The following CLEC4A variants were observed in gnomAD, a reference collection of about 807,000 sequenced individuals.
CLEC4A encodes C-type (calcium dependent, carbohydrate-recognition domain) lectin, superfamily member 6.
A neutral mutation model predicts 32.7 loss-of-function variants in CLEC4A; 27 were observed. The ratio of observed to expected loss-of-function variants is 0.83; its 90% CI spans 0.61 to 1.14. CLEC4A has a LOEUF of 1.14. Among genes scored for constraint, CLEC4A ranks in the 50% most tolerant of loss-of-function variants. CLEC4A has a pLI of 0.00. For synonymous variants in CLEC4A, 89 were observed against 93.7 expected, an observed-to-expected ratio of 0.95 and a Z score of 0.29; for missense variants, 253 against 274.6, an observed-to-expected ratio of 0.92 and a Z score of 0.55.
At chr12:8,126,491 A>G (rs1436166043) in intron 2 of CLEC4A, among the ~76,000 whole-genome samples, 2 of 149,888 alleles carry the variant, frequency 1.3e-5, no homozygotes, top group Non-Finnish European at 2.9e-5. Context: ...ACGTGCTGGG[A>G]TTACAGGCAT....
chr12:8,103,381 T>TTTTTTTTG, the CLEC4A span, among the ~76,000 whole-genome samples: 1 of 106,046 alleles, frequency 9.4e-6, no homozygotes, highest in South Asian at 3.5e-4. Flanking sequence ...CTGTTGTTTT[T>TTTTTTTTG]TTTTTTTTTT....
At chr12:8,108,326 T>C in the CLEC4A span, among the ~76,000 whole-genome samples, 1 of 152,248 alleles carries the variant, frequency 6.6e-6, no homozygotes, top group Admixed American at 6.5e-5. Context: ...AGGTACCATG[T>C]AGTAGAGTTG....
intron 2 of CLEC4A, among the ~76,000 whole-genome samples, chr12:8,128,428 T>C (rs1160656827): frequency 2.4e-5 from 3 of 125,650 alleles, no homozygotes; most frequent in Admixed American, 8.2e-5. Flanking sequence ...TTTTTTTTTT[T>C]GAGATGGAGT....
At chr12:8,123,445 G>A (rs1472461154), upstream of CLEC4A, among the ~76,000 whole-genome samples, 3 of 152,220 alleles carry the variant, frequency 2.0e-5, no homozygotes, top group Non-Finnish European at 4.4e-5. Context: ...ATAAGTCTAT[G>A]TTCAGGATGT....
At chr12:8,135,446 AG>A in intron 3 of CLEC4A, 138 bp from the exon 4 acceptor site, 1 of 756,834 alleles carries the variant, frequency 1.3e-6, no homozygotes, top group Non-Finnish European at 2.0e-6. Context: ...CCTGAGGGGC[AG>A]GGGCTCCTGG....
At chr12:8,133,908 G>A in intron 3 of CLEC4A, 1 of 1,600,492 alleles carries the variant, frequency 6.2e-7, no homozygotes, top group South Asian at 1.1e-5. Flanking sequence ...TGGGGCCCTG[G>A]GGCCAGAGGA....
chr12:8,122,311 A>G (rs146828420), upstream of CLEC4A, among the ~76,000 whole-genome samples: 36 of 152,064 alleles, frequency 2.4e-4, 1 homozygote, highest in East Asian at 6.8e-3. Context: ...CCTTGTGTGG[A>G]GCATTAGAAC....
chr12:8,125,768 C>T (rs985623952), intron 2 of CLEC4A, 91 bp downstream of exon 2: 3 of 730,896 alleles, frequency 4.1e-6, no homozygotes, highest in African/African-American at 3.5e-5. Context: ...TGAGCTTATC[C>T]AGAAATCTGA....
intron 2 of CLEC4A, among the ~76,000 whole-genome samples, chr12:8,127,106 G>T (rs1367482051): frequency 6.6e-6 from 1 of 152,200 alleles, no homozygotes; most frequent in Admixed American, 6.5e-5. Flanking sequence ...ACTGGTGTCA[G>T]TTGGGAGATT....
At position 8,136,895 on chromosome 12, in the gene CLEC4A, A is replaced by C; in HGVS notation, c.558A>C (p.Glu186Asp). The change falls in exon 5 of 6, where the codon GAA becomes GAC. Residue 186 changes from glutamate (E) to aspartate (D), a missense_variant. Coordinates refer to ENST00000229332, the MANE Select transcript of CLEC4A (RefSeq NM_016184.4). The part of the protein sequence containing the change: ...WQWVDQTPYN[E>D]SSTFWHPREP... ...GGGTTGATCAGACACCATACAATGA[A>C]AGTTCCACGTGAGTATAGAATGAGA... is the stretch of plus-strand genomic sequence containing the variant. 1.9e-6 allele frequency: 3 copies of C among 1,607,238 alleles called. No individual in the cohort carries two copies. Among genetic ancestry groups the C allele is most frequent in the Non-Finnish European group, 2.6e-6 (3 of 1,173,902 alleles).
Position 8,138,162 on chromosome 12 carries a change from A to G in CLEC4A, c.589A>G (p.Ser197Gly). The change falls in exon 6 of 6, where the codon AGT becomes GGT. Residue 197 changes from serine to glycine, a missense_variant. Coordinates refer to ENST00000229332, the MANE Select transcript of CLEC4A (RefSeq NM_016184.4). The part of the protein sequence containing the change: ...SSTFWHPREP[S>G]DPNERCVVLN... The stretch of plus-strand genomic sequence containing the variant: ...CAGATTCTGGCATCCACGTGAGCCC[A>G]GTGATCCCAATGAGCGCTGCGTTGT... 1 of 1,614,092 alleles carries G rather than the reference A, an allele frequency of 6.2e-7. No homozygotes were observed. Among genetic ancestry groups the G allele is most frequent in the Non-Finnish European group, 8.5e-7 (1 of 1,179,986 alleles).
At chr12:8,135,037 A>T (rs1948085988) in intron 3 of CLEC4A, among the ~76,000 whole-genome samples, 4 of 10,268 alleles carry the variant, frequency 3.9e-4, no homozygotes, top group Non-Finnish European at 7.5e-4. Context: ...AATTCTAACA[A>T]TTTTATTATC....
At chr12:8,125,369 T>C (rs1947883420) in intron 1 of CLEC4A, among the ~76,000 whole-genome samples, 192 bp from the exon 2 acceptor site, 1 of 152,200 alleles carries the variant, frequency 6.6e-6, no homozygotes, top group Non-Finnish European at 1.5e-5. Context: ...GAATTCGTAC[T>C]TTTATGTATT....
chr12:8,136,866 C>T lies in CLEC4A; in HGVS notation c.529C>T (p.Gln177Ter), dbSNP rs1480240568. The part of the protein sequence containing the change: ...LSDPEGQRHW[Q>*]WVDQTPYNES... ...AGATCCAGAAGGTCAGCGACATTGG[C>T]AATGGGTTGATCAGACACCATACAA... Residue 177 changes from glutamine (Q) to a stop codon, truncating the protein, a stop_gained, in exon 5 of 6, where the codon CAA (glutamine) becomes TAA (stop). Transcript: ENST00000229332. LOFTEE classifies it high-confidence loss of function. The T allele has an allele frequency of 1.2e-6, 2 of 1,613,128 alleles. No individual in the cohort carries two copies. The highest frequency in any genetic ancestry group is 2.7e-5 in the African/African-American group (2 of 74,860).
chr12:8,138,405 T>A lies in CLEC4A; in HGVS notation c.*118T>A. Reference sequence around the variant, plus strand: ...CATAGAATTTAGGTGGTCTGTCAACTATTCTACTTATGAGAGAATTGGTCT... The same window carrying A: ...CATAGAATTTAGGTGGTCTGTCAACAATTCTACTTATGAGAGAATTGGTCT... On this transcript the variant is annotated 3_prime_UTR_variant, in exon 6 of 6. Coordinates refer to ENST00000229332, the MANE Select transcript of CLEC4A (RefSeq NM_016184.4). 1 of 1,185,300 alleles carries A rather than the reference T, an allele frequency of 8.4e-7. No individual in the cohort carries two copies. Among genetic ancestry groups the A allele is most frequent in the Non-Finnish European group, 1.2e-6 (1 of 832,004 alleles). 73.4% of individuals were successfully genotyped at this position (1,185,300 alleles called of 1,614,324 possible).
the CLEC4A span, among the ~76,000 whole-genome samples, chr12:8,107,718 G>T: frequency 1.3e-5 from 2 of 150,820 alleles, no homozygotes; most frequent in African/African-American, 2.4e-5. Context: ...TTTCTGTGGG[G>T]CCAATGGTAA....
In CLEC4A at chr12:8,136,782, C is replaced by G. The variant is rs751331987; in HGVS notation, c.451-6C>G. ...AAGGCTGTGACTCCTTCTTTTCCCC[C>G]CTCAGGATTTCATCTTCCAGAATCT... On this transcript the variant is annotated splice_region_variant and splice_polypyrimidine_tract_variant and intron_variant, in intron 4 of 5. Transcript: ENST00000229332. 6.3e-7 allele frequency: 1 copy of G among 1,579,130 alleles called. No individual in the cohort carries two copies. The highest frequency in any genetic ancestry group is 8.7e-7 in the Non-Finnish European group (1 of 1,148,598).
the CLEC4A span, among the ~76,000 whole-genome samples, chr12:8,116,992 T>G: frequency 1.3e-5 from 2 of 152,210 alleles, no homozygotes; most frequent in African/African-American, 4.8e-5. Context: ...ATTTGCAATT[T>G]TTAACCATCG....
the CLEC4A span, among the ~76,000 whole-genome samples, chr12:8,112,659 C>T: frequency 2.3e-3 from 345 of 151,798 alleles, 2 homozygotes; most frequent in Non-Finnish European, 3.5e-3. Context: ...TATGGGCAAT[C>T]CTGTTCTACC....
Sources: gnomAD v4.1 joint callset for allele counts (sites outside exome capture counted in the v4.1 genomes callset) on GRCh38, gnomAD v4.1.1 for gene constraint, MANE v1.5 for transcripts, NCBI Gene and HGNC (gene_info 2026-07-23, HGNC 2026-07-21) for gene names.